Variants in SLC4A4 observed in about 807,000 individuals in gnomAD.
SLC4A4 encodes the protein solute carrier family 4 member 4, also known as electrogenic sodium bicarbonate cotransporter 1.
In SLC4A4, 27 loss-of-function variants were observed where a neutral mutation model predicts 111.5. The ratio of observed to expected loss-of-function variants is 0.24; its 90% confidence interval spans 0.18 to 0.33. SLC4A4 has a LOEUF of 0.33. SLC4A4 is among the 10% of genes least tolerant of loss of function. The pLI, the probability that SLC4A4 is intolerant of heterozygous loss-of-function variation, is 1.00. For missense variants in SLC4A4, 909 were observed against 1,315.5 expected, an observed-to-expected ratio of 0.69 and a Z score of 4.78; for synonymous variants, 443 against 463.4, an observed-to-expected ratio of 0.96 and a Z score of 0.57.
At chr4:71,530,457 G>C (rs1560591435) in intron 16 of SLC4A4, among the ~76,000 whole-genome samples, 1 of 152,088 alleles carries the variant, frequency 6.6e-6, no homozygotes, top group Non-Finnish European at 1.5e-5. Context: ...TTCCAATAGT[G>C]GTTGTGCTCC....
chr4:71,388,510 A>T (rs1285631880), intron 6 of SLC4A4, among the ~76,000 whole-genome samples: 1 of 152,104 alleles, frequency 6.6e-6, no homozygotes. Context: ...ATTTTTTAAG[A>T]AATGAAGCTA....
intron 3 of SLC4A4, among the ~76,000 whole-genome samples, chr4:71,281,043 C>T (rs567462264): frequency 6.6e-6 from 1 of 152,132 alleles, no homozygotes; most frequent in South Asian, 2.1e-4. Context: ...TTTTTTTGAG[C>T]AGCTGAATCT....
intron 2 of SLC4A4, among the ~76,000 whole-genome samples, chr4:71,159,995 A>T (rs1744576706): frequency 6.6e-6 from 1 of 152,090 alleles, no homozygotes; most frequent in South Asian, 2.1e-4. Context: ...GGAATCTGTC[A>T]TAATAATACC....
intron 1 of SLC4A4, among the ~76,000 whole-genome samples, chr4:71,203,879 C>T (rs1231957224): frequency 6.6e-6 from 1 of 151,860 alleles, no homozygotes; most frequent in African/African-American, 2.4e-5. Flanking sequence ...AGATTTTAAT[C>T]ACTCACAAAG....
chr4:71,274,653 C>A (rs905130704), intron 3 of SLC4A4, among the ~76,000 whole-genome samples: 1 of 152,038 alleles, frequency 6.6e-6, no homozygotes, highest in Non-Finnish European at 1.5e-5. Context: ...AGGGTGATCC[C>A]ATGATAGAGC....
intron 16 of SLC4A4, among the ~76,000 whole-genome samples, chr4:71,504,625 T>C (rs983977773): frequency 6.8e-6 from 1 of 147,890 alleles, no homozygotes; most frequent in Non-Finnish European, 1.5e-5. Context: ...ATAAATATTC[T>C]TTTTTTGGAC....
chr4:71,345,793 A>G (rs1194019483), intron 4 of SLC4A4, among the ~76,000 whole-genome samples: 1 of 152,230 alleles, frequency 6.6e-6, no homozygotes, highest in East Asian at 1.9e-4. Context: ...ATTTTTCTGT[A>G]AGAAAAAGAC....
chr4:71,380,438 C>T (rs1718014405), intron 6 of SLC4A4, among the ~76,000 whole-genome samples: 1 of 152,140 alleles, frequency 6.6e-6, no homozygotes, highest in Non-Finnish European at 1.5e-5. Flanking sequence ...GTATGAGGAC[C>T]CTACGTCTTC....
At chr4:71,306,007 G>T (rs1725652797) in intron 3 of SLC4A4, among the ~76,000 whole-genome samples, 1 of 152,220 alleles carries the variant, frequency 6.6e-6, no homozygotes, top group Admixed American at 6.5e-5. Flanking sequence ...CCAACACATA[G>T]TAGGCACTCA....
intron 3 of SLC4A4, among the ~76,000 whole-genome samples, chr4:71,321,625 G>A (rs987595146): frequency 2.0e-5 from 3 of 151,954 alleles, no homozygotes; most frequent in African/African-American, 7.2e-5. Context: ...CATCTGGGGA[G>A]GGCCTGCTTG....
At chr4:71,133,742 C>A (rs1743771149) in intron 2 of SLC4A4, among the ~76,000 whole-genome samples, 1 of 152,196 alleles carries the variant, frequency 6.6e-6, no homozygotes, top group African/African-American at 2.4e-5. Context: ...TTGATGTAAT[C>A]ATCTCCCAGT....
At chr4:71,291,005 G>A (rs1019612122) in intron 3 of SLC4A4, among the ~76,000 whole-genome samples, 1 of 152,178 alleles carries the variant, frequency 6.6e-6, no homozygotes, top group East Asian at 1.9e-4. Context: ...TGGAAGTGGA[G>A]GCACCAAAGA....
At chr4:71,503,271 T>G (rs1293544455) in intron 16 of SLC4A4, among the ~76,000 whole-genome samples, 2 of 151,690 alleles carry the variant, frequency 1.3e-5, no homozygotes, top group African/African-American at 4.8e-5. Flanking sequence ...TCATTCCCTC[T>G]GTATCTTTTC....
chr4:71,513,846 GT>G (rs1226139712), intron 16 of SLC4A4, among the ~76,000 whole-genome samples: 3 of 152,248 alleles, frequency 2.0e-5, no homozygotes, highest in African/African-American at 7.2e-5. Flanking sequence ...ATGAAAGGAT[GT>G]TGTATTTTAT....
chr4:71,156,463 T>C (rs551757582), intron 2 of SLC4A4, among the ~76,000 whole-genome samples: 4 of 152,224 alleles, frequency 2.6e-5, no homozygotes, highest in African/African-American at 9.6e-5. Context: ...ATAAAAATCA[T>C]AGAACTCTAA....
intron 2 of SLC4A4, among the ~76,000 whole-genome samples, chr4:71,106,736 A>G (rs1207781490): frequency 2.2e-5 from 3 of 136,570 alleles, no homozygotes; most frequent in African/African-American, 5.5e-5. Context: ...GATCACATGG[A>G]CACAGGAAGG....
At chr4:71,225,912 T>C (rs1719019471) in intron 1 of SLC4A4, among the ~76,000 whole-genome samples, 1 of 152,250 alleles carries the variant, frequency 6.6e-6, no homozygotes, top group Admixed American at 6.5e-5. Context: ...TGCTAATTAC[T>C]ACAAATAATT....
intron 20 of SLC4A4, among the ~76,000 whole-genome samples, chr4:71,548,554 G>T (rs1376845816): frequency 6.6e-6 from 1 of 151,538 alleles, no homozygotes; most frequent in Non-Finnish European, 1.5e-5. Flanking sequence ...TTGATAGTTT[G>T]TATCTTATGC....
intron 21 of SLC4A4, among the ~76,000 whole-genome samples, chr4:71,557,280 A>G (rs1736556461): frequency 6.6e-6 from 1 of 151,978 alleles, no homozygotes; most frequent in African/African-American, 2.4e-5. Context: ...ATGTATTAAT[A>G]TATGATGCAT....
Sources: gnomAD v4.1 joint callset for allele counts (sites outside exome capture counted in the v4.1 genomes callset) on GRCh38, gnomAD v4.1.1 for gene constraint, MANE v1.5 for transcripts, NCBI Gene and HGNC (gene_info 2026-07-23, HGNC 2026-07-21) for gene names.